The following PLXDC2 variants were observed in gnomAD, a reference collection of about 807,000 sequenced individuals.
The protein encoded by PLXDC2 is plexin domain-containing protein 2.
PLXDC2 carries 40 observed loss-of-function variants against 68.9 expected under a neutral mutation model. The observed-to-expected ratio is 0.58, with a 90% CI of 0.45 to 0.76. The LOEUF (loss-of-function observed/expected upper bound fraction) is 0.76. Among genes scored for constraint, PLXDC2 ranks in the 30% least tolerant of loss-of-function variants. The pLI, the probability that PLXDC2 is intolerant of heterozygous loss-of-function variation, is 0.00. For synonymous variants in PLXDC2, 243 were observed against 234.2 expected (o/e 1.04, Z -0.34); for missense variants, 644 against 661.9 (o/e 0.97, Z 0.30).
intron 2 of PLXDC2, among the ~76,000 whole-genome samples, chr10:20,038,456 CAGAT>C (rs1835619754): frequency 6.6e-6 from 1 of 152,098 alleles, no homozygotes; most frequent in Admixed American, 6.5e-5. Flanking sequence ...CAACAGGAGA[CAGAT>C]GGATTGAATT....
At position 20,076,618 on chromosome 10, in the gene PLXDC2, T is replaced by C. The variant is rs377163330; in HGVS notation, c.541+8379T>C. ...TTCTCTTTAAGTCCTGTGCTGCCTT[T>C]TTAGTTTGTCTGTTGTTTCCTTTGA... is the stretch of plus-strand genomic sequence containing the variant. On this transcript the variant is annotated intron_variant, in intron 4 of 13. Coordinates refer to ENST00000377252, the MANE Select transcript of PLXDC2 (RefSeq NM_032812.9). 5.3e-5 allele frequency among the ~76,000 whole-genome samples: 8 copies of C among 152,306 alleles called. No individual in the cohort carries two copies. The East Asian group carries it at 7.7e-4, about 15-fold the overall frequency.
rs1676932323 is a variant in PLXDC2 at position 20,281,487 on chromosome 10, A to G, written c.*1668A>G. On this transcript the variant is annotated 3_prime_UTR_variant, in exon 14 of 14. Transcript: ENST00000377252. The stretch of plus-strand genomic sequence containing the variant: ...AGCAGCATTTTCCCAACAGTTTAGC[A>G]TCTGTACACATCTGCCTTGGTCATC... 6.6e-6 allele frequency: 1 copy of G among 152,180 alleles called. No homozygotes were observed. Among genetic ancestry groups the G allele is most frequent in the South Asian group, 2.1e-4 (1 of 4,838 alleles). The allele number at this position is 152,180 out of a possible 1,614,324, so 9.4% of individuals were successfully genotyped here. A position where few individuals can be genotyped will look rare whatever the true frequency, so the allele number is the denominator to read the frequency against.
chr10:20,175,422 C>T (rs922760537), intron 7 of PLXDC2, among the ~76,000 whole-genome samples: 1 of 152,178 alleles, frequency 6.6e-6, no homozygotes, highest in African/African-American at 2.4e-5. Context: ...TGGCTCACAC[C>T]TGTAATCTCA....
chr10:19,994,085 A>G (rs766597176), intron 1 of PLXDC2, among the ~76,000 whole-genome samples: 14 of 152,070 alleles, frequency 9.2e-5, no homozygotes, highest in Non-Finnish European at 1.6e-4. Context: ...ACATTCTCCA[A>G]AAAGACATGT....
intron 2 of PLXDC2, among the ~76,000 whole-genome samples, chr10:20,005,502 G>C (rs1276323538): frequency 6.6e-6 from 1 of 152,128 alleles, no homozygotes; most frequent in Non-Finnish European, 1.5e-5. Flanking sequence ...ACCGAGACTG[G>C]GTAATTCATA....
chr10:19,930,870 A>G (rs937453216), intron 1 of PLXDC2, among the ~76,000 whole-genome samples: 3 of 152,104 alleles, frequency 2.0e-5, no homozygotes, highest in African/African-American at 7.2e-5. Context: ...GGCTGGAGAC[A>G]TGAGAATCAC....
chr10:20,001,735 C>T (rs1243413933), intron 1 of PLXDC2, 40 bp from the exon 2 acceptor site: 2 of 1,568,896 alleles, frequency 1.3e-6, no homozygotes, highest in South Asian at 1.1e-5. Context: ...GTATGGTACA[C>T]ATAATGAGTG....
At chr10:20,246,298 C>T (rs1298522448) in intron 13 of PLXDC2, among the ~76,000 whole-genome samples, 2 of 152,198 alleles carry the variant, frequency 1.3e-5, no homozygotes, top group Non-Finnish European at 2.9e-5. Context: ...GTGACGAAGT[C>T]ACCTCTGTCC....
Position 19,930,653 on chromosome 10 carries a change from AAAAT to A in PLXDC2, c.113-71110_113-71107del, listed in dbSNP as rs1384568485. ...ACCACCTAAAACAGAGCCTGTTTAAAAAATAAATAAATAAAAAATAAAAAAAAGG... is the reference window on the plus strand; with the variant it reads ...ACCACCTAAAACAGAGCCTGTTTAAAAAATAAATAAAAAATAAAAAAAAGG... On this transcript the variant is annotated intron_variant, in intron 1 of 13. Coordinates refer to ENST00000377252, the MANE Select transcript of PLXDC2 (RefSeq NM_032812.9). Among the ~76,000 whole-genome samples the A allele has an allele frequency of 3.9e-5, 6 of 152,126 alleles. No individual in the cohort carries two copies. In the South Asian group the frequency reaches 1.0e-3, roughly 26 times the overall value.
chr10:19,858,511 T>A (rs901852354), intron 1 of PLXDC2, among the ~76,000 whole-genome samples: 2 of 152,232 alleles, frequency 1.3e-5, no homozygotes, highest in African/African-American at 2.4e-5. Flanking sequence ...TAGCTAATAT[T>A]ACTTTGTAAA....
intron 12 of PLXDC2, among the ~76,000 whole-genome samples, chr10:20,230,389 G>A (rs1835344834): frequency 6.6e-6 from 1 of 152,114 alleles, no homozygotes; most frequent in Non-Finnish European, 1.5e-5. Context: ...AAAAAAAGGT[G>A]CCAGGCATAG....
At chr10:20,071,595 A>C (rs1221739573) in intron 4 of PLXDC2, among the ~76,000 whole-genome samples, 1 of 152,138 alleles carries the variant, frequency 6.6e-6, no homozygotes, top group East Asian at 1.9e-4. Context: ...GCTTTCTGCC[A>C]TGATTGTGAG....
chr10:19,992,534 TATAAG>T (rs891602804), intron 1 of PLXDC2, among the ~76,000 whole-genome samples: 2 of 152,210 alleles, frequency 1.3e-5, no homozygotes, highest in African/African-American at 4.8e-5. Context: ...TTCCTTTTAT[TATAAG>T]ATAAGAGATT....
chr10:19,939,966 C>T (rs1267613249), intron 1 of PLXDC2, among the ~76,000 whole-genome samples: 1 of 151,742 alleles, frequency 6.6e-6, no homozygotes, highest in Non-Finnish European at 1.5e-5. Flanking sequence ...GGAACGAATT[C>T]CATTGGTATG....
intron 3 of PLXDC2, among the ~76,000 whole-genome samples, chr10:20,057,245 T>A (rs7082813): frequency 1.3e-5 from 2 of 152,106 alleles, no homozygotes; most frequent in African/African-American, 4.8e-5. Context: ...AAATGGAATA[T>A]AATTTTTTTT....
chr10:20,127,133 G>C (rs1349194739), intron 4 of PLXDC2, among the ~76,000 whole-genome samples: 1 of 151,990 alleles, frequency 6.6e-6, no homozygotes, highest in South Asian at 2.1e-4. Context: ...TGGGAATGTT[G>C]GTACAATGCA....
At chr10:20,082,075 A>AAAAAAG (rs1474710318) in intron 4 of PLXDC2, among the ~76,000 whole-genome samples, 1 of 149,708 alleles carries the variant, frequency 6.7e-6, no homozygotes, top group Non-Finnish European at 1.5e-5. Flanking sequence ...AAAAAAAAAA[A>AAAAAAG]ACAGGAGAAG....
intron 1 of PLXDC2, among the ~76,000 whole-genome samples, chr10:19,831,132 C>G (rs533829041): frequency 4.7e-4 from 71 of 152,144 alleles, no homozygotes; most frequent in Non-Finnish European, 8.7e-4. Flanking sequence ...TATCAATGAC[C>G]ATTAAAATGA....
At chr10:19,839,461 G>T (rs1216879862) in intron 1 of PLXDC2, among the ~76,000 whole-genome samples, 1 of 152,168 alleles carries the variant, frequency 6.6e-6, no homozygotes. Flanking sequence ...GAAGCCAAAA[G>T]ATTGGACACC....
Sources: allele counts gnomAD v4.1 joint callset (sites outside exome capture counted in the v4.1 genomes callset), GRCh38; gene constraint gnomAD v4.1.1; transcripts MANE v1.5; gene names NCBI Gene and HGNC (gene_info 2026-07-23, HGNC 2026-07-21).